CCDC191: variants seen among roughly 807,000 people sequenced by gnomAD.
CCDC191 encodes the protein coiled-coil domain containing 191.
Under a neutral mutation model 114.0 loss-of-function variants are expected in CCDC191, and 99 were observed. The observed-to-expected ratio is 0.87, with a 90% CI of 0.74 to 1.03. The LOEUF is 1.03. CCDC191 is among the 50% of genes least tolerant of loss of function. CCDC191 has a pLI of 0.00. For missense variants in CCDC191, 973 were observed against 1,087.0 expected (o/e 0.90, Z 1.47); for synonymous variants, 351 against 376.0 (o/e 0.93, Z 0.77).
chr3:114,017,562 A>G (rs2076179595), intron 8 of CCDC191, among the ~76,000 whole-genome samples: 1 of 152,230 alleles, frequency 6.6e-6, no homozygotes, highest in African/African-American at 2.4e-5. Flanking sequence ...CCTTCTATGT[A>G]ACAATACTGA....
At chr3:113,973,150 G>A (rs1024174071) in intron 16 of CCDC191, among the ~76,000 whole-genome samples, 3 of 152,070 alleles carry the variant, frequency 2.0e-5, no homozygotes, top group Non-Finnish European at 4.4e-5. Context: ...GTTTTCCCTT[G>A]TGGCAAAACG....
chr3:114,040,035 C>T (rs1181287607), intron 4 of CCDC191, among the ~76,000 whole-genome samples: 1 of 152,248 alleles, frequency 6.6e-6, no homozygotes, highest in Non-Finnish European at 1.5e-5. Context: ...GCCCTGCAAA[C>T]TCCATTTATG....
Position 114,007,915 on chromosome 3 carries a change from G to A in CCDC191, c.1414-1953C>T, listed in dbSNP as rs1373070785. Among the ~76,000 whole-genome samples, 4 of 151,446 alleles carry A rather than the reference G, an allele frequency of 2.6e-5. No homozygotes were observed. In the East Asian group the frequency reaches 7.7e-4, roughly 29 times the overall value. ...TTACTTAGTCTCTACAGGGTCTATT[G>A]TAGCCCTCTATTATCATTTGCTCCA... On this transcript the variant is annotated intron_variant, in intron 9 of 16. Transcript: ENST00000295878.
intron 1 of CCDC191, among the ~76,000 whole-genome samples, chr3:114,054,794 A>T (rs1254982803): frequency 4.6e-5 from 7 of 152,032 alleles, no homozygotes; most frequent in South Asian, 2.1e-4. Flanking sequence ...AACTATCAGG[A>T]CATTTCCTTT....
intron 6 of CCDC191, among the ~76,000 whole-genome samples, chr3:114,034,449 A>G (rs746049928): frequency 2.0e-5 from 3 of 152,202 alleles, no homozygotes; most frequent in Non-Finnish European, 4.4e-5. Context: ...CAAGAGTCAG[A>G]AAAAGACCTG....
chr3:113,991,503 A>G (rs2075565385), intron 13 of CCDC191, among the ~76,000 whole-genome samples: 2 of 152,176 alleles, frequency 1.3e-5, no homozygotes, highest in South Asian at 4.1e-4. Flanking sequence ...CAATCTAGGA[A>G]TAAATGAAAA....
At position 114,001,623 on chromosome 3, in the gene CCDC191, T is replaced by A; in HGVS notation, c.2135A>T (p.Lys712Ile). 1.9e-6 allele frequency: 3 copies of A among 1,613,962 alleles called. 1 individual carries two copies. In the South Asian group the frequency reaches 3.3e-5, roughly 18 times the overall value. ...AEEKEAQLER[K>I]REEKRLKKMK... ...TTTCTTCAGTCTCTTCTCTTCTCGT[T>A]TTCTTTCAAGCTGTGCCTCCTTTTC... Residue 712 changes from lysine to isoleucine, a missense_variant, in exon 13 of 17, where the codon AAA becomes ATA. Coordinates refer to ENST00000295878, the MANE Select transcript of CCDC191 (RefSeq NM_020817.2).
chr3:114,037,592 G>A (rs750612432), intron 4 of CCDC191, among the ~76,000 whole-genome samples: 34 of 151,952 alleles, frequency 2.2e-4, no homozygotes, highest in Non-Finnish European at 3.7e-4. Flanking sequence ...TTTGGCTATT[G>A]CAAATAAAGG....
intron 7 of CCDC191, among the ~76,000 whole-genome samples, chr3:114,023,682 T>C (rs1194747960): frequency 3.9e-5 from 6 of 152,340 alleles, no homozygotes; most frequent in African/African-American, 1.4e-4. Flanking sequence ...GATCGCTTCC[T>C]TACACCTTAT....
chr3:113,973,667 C>T (rs1261131117), intron 16 of CCDC191, among the ~76,000 whole-genome samples: 5 of 150,662 alleles, frequency 3.3e-5, no homozygotes, highest in Non-Finnish European at 5.9e-5. Flanking sequence ...TATACCGTTT[C>T]TGCTGAGAAG....
intron 16 of CCDC191, among the ~76,000 whole-genome samples, chr3:113,966,098 A>G (rs1940133394): frequency 6.6e-6 from 1 of 152,144 alleles, no homozygotes; most frequent in Non-Finnish European, 1.5e-5. Flanking sequence ...AATGATGGAA[A>G]ATTGCGTGCA....
intron 8 of CCDC191, among the ~76,000 whole-genome samples, chr3:114,015,950 G>T (rs1231637270): frequency 6.6e-6 from 1 of 152,136 alleles, no homozygotes; most frequent in African/African-American, 2.4e-5. Flanking sequence ...GCTAAATTAC[G>T]AATAAAAAGA....
chr3:113,991,230 C>CAAAA (rs375843277), intron 13 of CCDC191, among the ~76,000 whole-genome samples: 1 of 82,580 alleles, frequency 1.2e-5, no homozygotes. Context: ...AGTGAGACTC[C>CAAAA]AAAAAAAAAA....
At chr3:114,011,070 G>C (rs767238753) in intron 8 of CCDC191, 49 bp from the exon 9 acceptor site, 1 of 1,548,468 alleles carries the variant, frequency 6.5e-7, no homozygotes, top group Non-Finnish European at 8.7e-7. Context: ...TTTACAGTTT[G>C]TTAATTGATA....
At chr3:114,018,026 A>G (rs2076187870) in intron 8 of CCDC191, among the ~76,000 whole-genome samples, 1 of 152,206 alleles carries the variant, frequency 6.6e-6, no homozygotes. Context: ...ATTCACAAAC[A>G]TAAGAAGGAG....
At chr3:114,004,583 C>A in intron 11 of CCDC191, 54 bp downstream of exon 11, 1 of 1,587,324 alleles carries the variant, frequency 6.3e-7, no homozygotes, top group South Asian at 1.1e-5. Flanking sequence ...TGTACACATT[C>A]TACTCTAGGA....
chr3:114,040,729 C>T lies in CCDC191; in HGVS notation c.415+1974G>A, dbSNP rs11919757. On this transcript the variant is annotated intron_variant, in intron 4 of 16. Coordinates refer to ENST00000295878, the MANE Select transcript of CCDC191 (RefSeq NM_020817.2). ...GCATATGTATTTTTAATCCATTCTG[C>T]CAATCTCTGCATTTGGACTGGAGTG... is the stretch of plus-strand genomic sequence containing the variant. Among the ~76,000 whole-genome samples the T allele has an allele frequency of 4.9e-3, 741 of 152,164 alleles. 8 individuals are homozygous for T. Among genetic ancestry groups the T allele is most frequent in the African/African-American group, 0.017 (700 of 41,522 alleles).
At chr3:114,011,245 G>A (rs1358317420) in intron 8 of CCDC191, among the ~76,000 whole-genome samples, 1 of 152,276 alleles carries the variant, frequency 6.6e-6, no homozygotes, top group African/African-American at 2.4e-5. Flanking sequence ...CAAGAAGAAA[G>A]AGGAACTGTT....
intron 8 of CCDC191, among the ~76,000 whole-genome samples, chr3:114,012,996 TCA>T (rs2076097277): frequency 6.6e-6 from 1 of 152,204 alleles, no homozygotes. Flanking sequence ...ATGCCTGTAA[TCA>T]CAGGAATTTG....
Sources: allele counts gnomAD v4.1 joint callset (sites outside exome capture counted in the v4.1 genomes callset), GRCh38; gene constraint gnomAD v4.1.1; transcripts MANE v1.5; gene names NCBI Gene and HGNC (gene_info 2026-07-23, HGNC 2026-07-21).